The following COL25A1 variants were observed in gnomAD, a reference collection of about 807,000 sequenced individuals.
The protein encoded by COL25A1 is collagen type XXV alpha 1 chain, also known as collagen alpha-1(XXV) chain.
In COL25A1, 103 loss-of-function variants were observed where a neutral mutation model predicts 128.4. That is an observed-to-expected ratio of 0.80 (90% CI 0.68 to 0.94). The LOEUF (loss-of-function observed/expected upper bound fraction) is 0.94, where lower values mean the gene tolerates loss of function less well. Ranked by LOEUF, COL25A1 falls within the 40% of genes least tolerant of loss-of-function variation. The pLI, the probability that COL25A1 is intolerant of heterozygous loss-of-function variation, is 0.00. For missense variants in COL25A1, 745 were observed against 840.0 expected, an observed-to-expected ratio of 0.89 and a Z score of 1.40; for synonymous variants, 279 against 277.2, an observed-to-expected ratio of 1.01 and a Z score of -0.06.
At chr4:109,125,744 C>T (rs144359211) in intron 3 of COL25A1, among the ~76,000 whole-genome samples, 123 of 152,240 alleles carry the variant, frequency 8.1e-4, no homozygotes, top group African/African-American at 2.7e-3. Flanking sequence ...ACTGGCACAA[C>T]TCCTGTAGGA....
chr4:109,058,297 G>A (rs898794552), intron 3 of COL25A1, among the ~76,000 whole-genome samples: 1 of 152,110 alleles, frequency 6.6e-6, no homozygotes, highest in East Asian at 1.9e-4. Flanking sequence ...CTACTTGTGG[G>A]GAAGGGGGCT....
chr4:108,817,329 G>T (rs2125705052), intron 37 of COL25A1, 68 bp downstream of exon 37: 1 of 1,427,658 alleles, frequency 7.0e-7, no homozygotes. Context: ...TTTCTGAATG[G>T]AAAAGGCTAG....
chr4:109,144,134 C>T (rs1278522915), intron 3 of COL25A1, among the ~76,000 whole-genome samples: 2 of 152,094 alleles, frequency 1.3e-5, no homozygotes, highest in Admixed American at 6.5e-5. Flanking sequence ...CTTAGTTTTC[C>T]TTCTAACAGT....
chr4:109,108,430 T>C lies in COL25A1; in HGVS notation c.368-58251A>G, dbSNP rs564465906. The stretch of plus-strand genomic sequence containing the variant: ...CACATTTTCTTAATCCAGTCTATCA[T>C]TGCTGGACATTTGGCTTGGTTCCAA... On this transcript the variant is annotated intron_variant, in intron 3 of 37. Transcript: ENST00000399132. Among the ~76,000 whole-genome samples, 24 of 152,302 alleles carry C rather than the reference T, an allele frequency of 1.6e-4. No homozygotes were observed. In the East Asian group the frequency reaches 4.2e-3, roughly 27 times the overall value.
chr4:109,147,628 C>T (rs1771073650), intron 3 of COL25A1, among the ~76,000 whole-genome samples: 1 of 151,892 alleles, frequency 6.6e-6, no homozygotes. Flanking sequence ...ACCAGCCTGG[C>T]CAATGTGGTG....
intron 5 of COL25A1, among the ~76,000 whole-genome samples, chr4:109,015,484 T>G (rs779782205): frequency 1.2e-4 from 18 of 152,224 alleles, no homozygotes; most frequent in Admixed American, 6.5e-4. Flanking sequence ...AAAACCTGAA[T>G]CTAGTAAACG....
At chr4:108,899,022 C>A (rs1742507396) in intron 15 of COL25A1, 132 bp downstream of exon 15, 1 of 684,422 alleles carries the variant, frequency 1.5e-6, no homozygotes. Context: ...TACCTACCTA[C>A]CTACCTATTA....
chr4:109,054,957 G>C (rs1235691376), intron 3 of COL25A1, among the ~76,000 whole-genome samples: 1 of 152,170 alleles, frequency 6.6e-6, no homozygotes, highest in Non-Finnish European at 1.5e-5. Flanking sequence ...TGGGCACAGG[G>C]AGACAGCGGA....
chr4:109,254,308 C>G (rs1473909648), intron 3 of COL25A1, among the ~76,000 whole-genome samples: 1 of 150,386 alleles, frequency 6.6e-6, no homozygotes, highest in Non-Finnish European at 1.5e-5. Context: ...AACCTTATTA[C>G]TATTATTATT....
At chr4:108,822,485 T>C (rs980141637) in intron 35 of COL25A1, among the ~76,000 whole-genome samples, 9 of 152,186 alleles carry the variant, frequency 5.9e-5, no homozygotes, top group Admixed American at 5.2e-4. Context: ...GGTATGAGCA[T>C]AGCTCACTGC....
At chr4:109,131,764 C>T (rs1465444358) in intron 3 of COL25A1, among the ~76,000 whole-genome samples, 8 of 152,208 alleles carry the variant, frequency 5.3e-5, no homozygotes, top group Admixed American at 2.0e-4. Flanking sequence ...TCCTCACCTC[C>T]CCATTCACCA....
At position 109,225,831 on chromosome 4, in the gene COL25A1, T is replaced by C. The variant is rs545439938; in HGVS notation, c.367+74752A>G. Among the ~76,000 whole-genome samples, 146 of 152,104 alleles carry C rather than the reference T, an allele frequency of 9.6e-4. 1 individual carries two copies. The highest frequency in any genetic ancestry group is 3.4e-3 in the African/African-American group (141 of 41,518). Reference sequence around the variant, plus strand: ...ATTTCATTGTGTGCACATATTTACATATATAAAATGGAACACTATTGTATT... The same window carrying C: ...ATTTCATTGTGTGCACATATTTACACATATAAAATGGAACACTATTGTATT... On this transcript the variant is annotated intron_variant, in intron 3 of 37. Transcript: ENST00000399132.
chr4:109,046,011 A>G (rs1760392613), intron 5 of COL25A1, among the ~76,000 whole-genome samples: 1 of 152,206 alleles, frequency 6.6e-6, no homozygotes, highest in African/African-American at 2.4e-5. Flanking sequence ...CCATGTTATA[A>G]CACAACTATA....
At chr4:109,205,437 A>C (rs1466133235) in intron 3 of COL25A1, among the ~76,000 whole-genome samples, 1 of 152,156 alleles carries the variant, frequency 6.6e-6, no homozygotes, top group Non-Finnish European at 1.5e-5. Flanking sequence ...GTGGACAGAC[A>C]TTGACATATA....
intron 3 of COL25A1, among the ~76,000 whole-genome samples, chr4:109,070,225 G>C (rs2125981438): frequency 6.6e-6 from 1 of 150,962 alleles, no homozygotes; most frequent in Non-Finnish European, 1.5e-5. Context: ...TCCAGCCTGG[G>C]AGACAGAGCG....
intron 3 of COL25A1, among the ~76,000 whole-genome samples, chr4:109,069,132 A>T (rs876366): frequency 1.3e-5 from 2 of 151,028 alleles, no homozygotes; most frequent in Admixed American, 6.6e-5. Flanking sequence ...AACTTTAAAA[A>T]TTTTTTTTTG....
chr4:109,206,681 T>G (rs962185702), intron 3 of COL25A1, among the ~76,000 whole-genome samples: 2 of 152,188 alleles, frequency 1.3e-5, no homozygotes, highest in Non-Finnish European at 2.9e-5. Context: ...CTTCAATGTC[T>G]TGCAACAACT....
chr4:108,961,960 C>T (rs1004788390), intron 8 of COL25A1, among the ~76,000 whole-genome samples: 12 of 151,872 alleles, frequency 7.9e-5, no homozygotes, highest in African/African-American at 2.4e-4. Flanking sequence ...GATTTTTCTT[C>T]CCCTGCCAAT....
At position 108,844,586 on chromosome 4, in the gene COL25A1, T is replaced by G; in HGVS notation, c.1579-17A>C. On this transcript the variant is annotated splice_polypyrimidine_tract_variant and intron_variant, in intron 29 of 37. Coordinates refer to ENST00000399132, the MANE Select transcript of COL25A1 (RefSeq NM_198721.4). ...GCCTATGATCTGTATGTCCAAAAAATAAAAATGTATTTGGTTACTTCATTT... is the reference window on the plus strand; with the variant it reads ...GCCTATGATCTGTATGTCCAAAAAAGAAAAATGTATTTGGTTACTTCATTT... The G allele has an allele frequency of 6.2e-7, 1 of 1,606,060 alleles. No individual in the cohort carries two copies. Among genetic ancestry groups the G allele is most frequent in the Non-Finnish European group, 8.5e-7 (1 of 1,177,604 alleles).
Sources: gnomAD v4.1 joint callset for allele counts (sites outside exome capture counted in the v4.1 genomes callset) on GRCh38, gnomAD v4.1.1 for gene constraint, MANE v1.5 for transcripts, NCBI Gene and HGNC (gene_info 2026-07-23, HGNC 2026-07-21) for gene names.